Variants in FSIP1 observed in about 807,000 individuals in gnomAD.
FSIP1 encodes fibrous sheath interacting protein 1.
A neutral mutation model predicts 60.9 loss-of-function variants in FSIP1; 65 were observed. The ratio of observed to expected loss-of-function variants is 1.07; its 90% CI spans 0.87 to 1.31. The LOEUF is 1.31. Among genes scored for constraint, FSIP1 ranks in the 40% most tolerant of loss-of-function variants. FSIP1 has a pLI of 0.00. For synonymous variants in FSIP1, 209 were observed against 221.2 expected (o/e 0.94, Z 0.49); for missense variants, 675 against 665.5 (o/e 1.01, Z -0.16).
At chr15:39,690,573 GA>G (rs2140503373) in intron 10 of FSIP1, among the ~76,000 whole-genome samples, 1 of 152,302 alleles carries the variant, frequency 6.6e-6, no homozygotes, top group South Asian at 2.1e-4. Flanking sequence ...GAAAAATGCT[GA>G]GGTCTGTCCT....
chr15:39,765,802 T>C, intron 3 of FSIP1, 56 bp from the exon 4 acceptor site: 1 of 979,050 alleles, frequency 1.0e-6, no homozygotes, highest in Non-Finnish European at 1.5e-6. Context: ...TATAAAGTTT[T>C]GTTTTGTTCT....
At chr15:39,598,069 C>T (rs1890517899), downstream of FSIP1, 1 of 152,172 alleles carries the variant, frequency 6.6e-6, no homozygotes, top group Non-Finnish European at 1.5e-5. Flanking sequence ...TGTCTAAATA[C>T]AAATTATCAT....
intron 10 of FSIP1, among the ~76,000 whole-genome samples, chr15:39,695,631 T>C (rs1332980929): frequency 6.6e-6 from 1 of 152,186 alleles, no homozygotes; most frequent in Non-Finnish European, 1.5e-5. Context: ...AATTCCTGCT[T>C]TTTGACAGAT....
intron 5 of FSIP1, among the ~76,000 whole-genome samples, chr15:39,752,145 T>G: frequency 6.6e-6 from 1 of 152,140 alleles, no homozygotes; most frequent in South Asian, 2.1e-4. Flanking sequence ...TTTTTGTTGC[T>G]ATTGTTTTTG....
intron 3 of FSIP1, among the ~76,000 whole-genome samples, chr15:39,768,234 T>C (rs1897758702): frequency 6.6e-6 from 1 of 152,238 alleles, no homozygotes; most frequent in Non-Finnish European, 1.5e-5. Flanking sequence ...CTTTGTTTCC[T>C]GAAAACCATA....
rs1345601337 is a variant in FSIP1 at position 39,726,575 on chromosome 15, G to C, written c.1050+14C>G. 1.2e-6 allele frequency: 2 copies of C among 1,613,270 alleles called. No individual in the cohort carries two copies. Among genetic ancestry groups the C allele is most frequent in the Non-Finnish European group, 1.7e-6 (2 of 1,179,334 alleles). On this transcript the variant is annotated intron_variant, in intron 9 of 11. Coordinates refer to ENST00000350221, the MANE Select transcript of FSIP1 (RefSeq NM_152597.5). ...CACACATTAACTTGAACAGTCTATG[G>C]GTTCTTCAAATACCTGATTATTCCG...
Position 39,765,766 on chromosome 15 carries a change from A to G in FSIP1, c.311-20T>C. The G allele has an allele frequency of 2.9e-6, 4 of 1,364,936 alleles. No individual in the cohort carries two copies. The highest frequency in any genetic ancestry group is 4.0e-6 in the Non-Finnish European group (4 of 991,222). The allele number at this position is 1,364,936 out of a possible 1,614,324, so 84.6% of individuals were successfully genotyped here. A position where few individuals can be genotyped will look rare whatever the true frequency, so the allele number is the denominator to read the frequency against. ...GTTCATCTATATTGTGTTGAAAGTA[A>G]AAATAGGTTTGAAGTATAGTAAAAC... is the stretch of plus-strand genomic sequence containing the variant. On this transcript the variant is annotated intron_variant, in intron 3 of 11. Transcript: ENST00000350221.
intron 10 of FSIP1, among the ~76,000 whole-genome samples, chr15:39,649,357 A>G (rs1285474519): frequency 2.0e-5 from 3 of 152,232 alleles, no homozygotes; most frequent in African/African-American, 4.8e-5. Flanking sequence ...TTAGTCATAA[A>G]GACACTATAA....
intron 10 of FSIP1, among the ~76,000 whole-genome samples, chr15:39,693,396 C>G (rs1894682626): frequency 6.6e-6 from 1 of 152,216 alleles, no homozygotes; most frequent in African/African-American, 2.4e-5. Flanking sequence ...CTGAGGCACA[C>G]TCCATGATCA....
At chr15:39,778,710 G>A (rs1282840534) in intron 1 of FSIP1, among the ~76,000 whole-genome samples, 2 of 152,162 alleles carry the variant, frequency 1.3e-5, no homozygotes, top group South Asian at 2.1e-4. Flanking sequence ...GTGTTCGTGA[G>A]GAGTGCACAA....
At chr15:39,759,579 C>T (rs1897420177) in intron 5 of FSIP1, among the ~76,000 whole-genome samples, 1 of 152,142 alleles carries the variant, frequency 6.6e-6, no homozygotes, top group African/African-American at 2.4e-5. Context: ...TGAAAGTATA[C>T]CCATTTTCTA....
chr15:39,673,494 T>G (rs550572150), intron 10 of FSIP1, among the ~76,000 whole-genome samples: 1 of 152,156 alleles, frequency 6.6e-6, no homozygotes, highest in South Asian at 2.1e-4. Flanking sequence ...TTTTTATTTC[T>G]GGTAGAGACG....
intron 10 of FSIP1, among the ~76,000 whole-genome samples, chr15:39,644,286 C>A (rs1303952576): frequency 1.3e-5 from 2 of 152,200 alleles, no homozygotes; most frequent in Non-Finnish European, 2.9e-5. Context: ...AGCTGCCCGG[C>A]CGAGTGTGCC....
At chr15:39,761,554 A>G (rs1294744888) in intron 5 of FSIP1, among the ~76,000 whole-genome samples, 1 of 152,236 alleles carries the variant, frequency 6.6e-6, no homozygotes, top group East Asian at 1.9e-4. Context: ...AATGGTGGTT[A>G]CCAGAAGCTG....
chr15:39,740,871 C>T (rs937952924), intron 6 of FSIP1, among the ~76,000 whole-genome samples: 1 of 151,884 alleles, frequency 6.6e-6, no homozygotes, highest in South Asian at 2.1e-4. Context: ...AAATTTTACT[C>T]AAATTTAAGT....
At chr15:39,669,382 G>A (rs1401006027) in intron 10 of FSIP1, among the ~76,000 whole-genome samples, 1 of 152,102 alleles carries the variant, frequency 6.6e-6, no homozygotes. Context: ...TAAACATCCT[G>A]TACCCCAAAT....
intron 11 of FSIP1, among the ~76,000 whole-genome samples, chr15:39,606,985 T>C (rs1440129623): frequency 6.6e-6 from 1 of 152,184 alleles, no homozygotes; most frequent in Admixed American, 6.5e-5. Flanking sequence ...TTCAGGATTG[T>C]CTCTGAGGTT....
chr15:39,721,633 G>T (rs892146430), intron 9 of FSIP1, among the ~76,000 whole-genome samples: 2 of 152,186 alleles, frequency 1.3e-5, no homozygotes, highest in Non-Finnish European at 2.9e-5. Context: ...ATGTATTGAC[G>T]ATCTCTGCAA....
chr15:39,678,905 G>C (rs1183305918), intron 10 of FSIP1, among the ~76,000 whole-genome samples: 1 of 152,094 alleles, frequency 6.6e-6, no homozygotes, highest in East Asian at 1.9e-4. Flanking sequence ...AAGGTTTTTA[G>C]GTTTTTTAAT....
Sources: gnomAD v4.1 joint callset for allele counts (sites outside exome capture counted in the v4.1 genomes callset) on GRCh38, gnomAD v4.1.1 for gene constraint, MANE v1.5 for transcripts, NCBI Gene and HGNC (gene_info 2026-07-23, HGNC 2026-07-21) for gene names.